Variants in LRP8 observed in about 807,000 individuals in gnomAD.
The protein encoded by LRP8 is LDL receptor related protein 8, also known as low-density lipoprotein receptor-related protein 8.
LRP8 carries 46 observed loss-of-function variants against 111.6 expected under a neutral mutation model. The ratio of observed to expected loss-of-function variants is 0.41; its 90% CI spans 0.33 to 0.53. LRP8 has a LOEUF of 0.53. Among genes scored for constraint, LRP8 ranks in the 20% least tolerant of loss-of-function variants. The pLI, the probability that LRP8 is intolerant of heterozygous loss-of-function variation, is 0.20. For synonymous variants in LRP8, 464 were observed against 511.2 expected (o/e 0.91, Z 1.24); for missense variants, 959 against 1,297.4 (o/e 0.74, Z 4.01).
rs748441227 is a variant in LRP8, at chr1:53,275,823, A to G, written c.884-70T>C. 167 of 1,555,340 alleles carry G rather than the reference A, an allele frequency of 1.1e-4. No individual in the cohort carries two copies. Among genetic ancestry groups the G allele is most frequent in the Middle Eastern group, 1.9e-4 (1 of 5,178 alleles). On this transcript the variant is annotated intron_variant, in intron 5 of 18. Transcript: ENST00000306052. The surrounding 1 kb of genome is among the most constrained non-coding windows in gnomAD (Gnocchi z 4.4). ...CTAGGACAATTTCCCCACCACCCCA[A>G]TCCCCATGCCATAGCCACCCCCAGC...
chr1:53,268,683 G>A (rs1158695693), intron 8 of LRP8: 1 of 152,084 alleles, frequency 6.6e-6, no homozygotes, highest in Non-Finnish European at 1.5e-5. Flanking sequence ...AACATAACAT[G>A]TCCAAAACAG....
At chr1:53,327,511 A>G (rs977444003) in intron 1 of LRP8, 1 of 351,458 alleles carries the variant, frequency 2.8e-6, no homozygotes, top group East Asian at 4.9e-5. Context: ...ATCCGGAACC[A>G]TGAATGGCCG....
intron 5 of LRP8, 134 bp downstream of exon 5, chr1:53,276,556 CCT>C (rs2100420695): frequency 1.6e-6 from 1 of 625,276 alleles, no homozygotes; most frequent in East Asian, 5.0e-5. Flanking sequence ...CTTCTCCCAG[CCT>C]CGGTCTCCTC....
intron 2 of LRP8, among the ~76,000 whole-genome samples, chr1:53,320,155 A>T (rs114694967): frequency 0.027 from 4,077 of 152,368 alleles, 184 homozygotes; most frequent in African/African-American, 0.094. Context: ...TCTTAGTGTT[A>T]ACGTGAGTAT....
rs1646580249 is a variant in LRP8 at position 53,266,770 on chromosome 1, T to G, written c.1253-123A>C. 1.2e-6 allele frequency: 1 copy of G among 824,656 alleles called. No homozygotes were observed. The highest frequency in any genetic ancestry group is 2.0e-6 in the Non-Finnish European group (1 of 504,666). The allele number at this position is 824,656 out of a possible 1,614,324, so 51.1% of individuals were successfully genotyped here. A position where few individuals can be genotyped will look rare whatever the true frequency, so the allele number is the denominator to read the frequency against. ...TTTTCCTTAAAATAGTAGTGACAAT[T>G]CCTACTTTACAGGTTGCAGGAGCAG... On this transcript the variant is annotated intron_variant, in intron 8 of 18. Transcript: ENST00000306052. The surrounding 1 kb of genome is among the most constrained non-coding windows in gnomAD (Gnocchi z 5.0).
chr1:53,279,263 G>C lies in LRP8; in HGVS notation c.496+1324C>G, dbSNP rs1283633560. ...GAGGACTCTTTCCTCTGCCTAGGAG[G>C]GTGGAAGCTATAGCATAGAAGCCCA... is the stretch of plus-strand genomic sequence containing the variant. On this transcript the variant is annotated intron_variant, in intron 4 of 18. Coordinates refer to ENST00000306052, the MANE Select transcript of LRP8 (RefSeq NM_004631.5). The surrounding 1 kb of genome is among the most constrained non-coding windows in gnomAD (Gnocchi z 4.4). Among the ~76,000 whole-genome samples the C allele has an allele frequency of 6.6e-6, 1 of 152,104 alleles. No individual in the cohort carries two copies. Among genetic ancestry groups the C allele is most frequent in the Non-Finnish European group, 1.5e-5 (1 of 68,024 alleles).
chr1:53,257,560 T>A, intron 14 of LRP8, 96 bp from the exon 15 acceptor site: 1 of 896,076 alleles, frequency 1.1e-6, no homozygotes, highest in South Asian at 1.6e-5. Flanking sequence ...CTTCATGGCG[T>A]AGCTCAAATG....
intron 2 of LRP8, among the ~76,000 whole-genome samples, chr1:53,304,077 G>A (rs1036886569): frequency 9.9e-5 from 15 of 152,180 alleles, no homozygotes; most frequent in Non-Finnish European, 1.3e-4. Context: ...GGAAAGGGGC[G>A]ATGAATTCCA....
chr1:53,249,671 C>T lies in LRP8; in HGVS notation c.2677-115G>A. 1 of 1,417,958 alleles carries T rather than the reference C, an allele frequency of 7.1e-7. No individual in the cohort carries two copies. The highest frequency in any genetic ancestry group is 9.3e-7 in the Non-Finnish European group (1 of 1,079,922). 87.8% of individuals were successfully genotyped at this position (1,417,958 alleles called of 1,614,324 possible). A position where few individuals can be genotyped will look rare whatever the true frequency, so the allele number is the denominator to read the frequency against. Reference sequence around the variant, plus strand: ...TTGTGGTCCTCATTCCCCCAAAAAGCCATGCTGTGTTGTACCTTCAAGCCT... The same window carrying T: ...TTGTGGTCCTCATTCCCCCAAAAAGTCATGCTGTGTTGTACCTTCAAGCCT... On this transcript the variant is annotated intron_variant, in intron 17 of 18. Coordinates refer to ENST00000306052, the MANE Select transcript of LRP8 (RefSeq NM_004631.5). This position sits in a 1 kb window ranked among gnomAD's most constrained non-coding sequence, Gnocchi z 4.1.
In LRP8 at chr1:53,257,328, A is replaced by G. The variant is rs752546603; in HGVS notation, c.2346T>C (p.Ala782=). Residue 782 remains alanine, a synonymous_variant, in exon 15 of 19, where the codon GCT becomes GCC. Coordinates refer to ENST00000306052, the MANE Select transcript of LRP8 (RefSeq NM_004631.5). ...GGACACTAACTGAGCTTGGGACTGC[A>G]GCTGTCAGGCTTGGTGTCTCTGTGC... ...NHSTETPSLT[A]AVPSSVSVPR... The G allele has an allele frequency of 6.2e-7, 1 of 1,614,164 alleles. No individual in the cohort carries two copies.
At chr1:53,284,177 A>G (rs1420788722) in intron 3 of LRP8, among the ~76,000 whole-genome samples, 2 of 100,046 alleles carry the variant, frequency 2.0e-5, no homozygotes, top group African/African-American at 8.2e-5. Context: ...TTACTTACCT[A>G]CTACATACCC....
chr1:53,298,172 T>C (rs534753584), intron 2 of LRP8, among the ~76,000 whole-genome samples: 2 of 152,302 alleles, frequency 1.3e-5, no homozygotes, highest in East Asian at 1.9e-4. Context: ...TGCTCTCAGA[T>C]ACTGCCGGAC....
rs188927312 is a variant in LRP8 at position 53,242,652 on chromosome 1, G to A, written c.*4366C>T. On this transcript the variant is annotated 3_prime_UTR_variant, in exon 19 of 19. Coordinates refer to ENST00000306052, the MANE Select transcript of LRP8 (RefSeq NM_004631.5). ...ATATGGTAACTTTGGGGTTGGTAGG[G>A]GGAGACAAACAAGGAGAATCCACTT... 10 of 152,158 alleles carry A rather than the reference G, an allele frequency of 6.6e-5. No homozygotes were observed. The highest frequency in any genetic ancestry group is 2.4e-4 in the African/African-American group (10 of 41,508). 9.4% of individuals were successfully genotyped at this position (152,158 alleles called of 1,614,324 possible).
Position 53,260,492 on chromosome 1 carries a change from G to A in LRP8, c.2028C>T (p.Val676=). The A allele has an allele frequency of 6.2e-7, 1 of 1,614,188 alleles. No homozygotes were observed. The highest frequency in any genetic ancestry group is 1.1e-5 in the South Asian group (1 of 91,078). ...TTGGCTGCTTCAGCTCATGGAAGAT[G>A]ACAATGTCATGTGGGTTGTTGAGGT... is the stretch of plus-strand genomic sequence containing the variant. The part of the protein sequence containing the change: ...AENLNNPHDI[V]IFHELKQPRA... The change falls in exon 13 of 19, where the codon GTC becomes GTT. Residue 676 remains valine, a synonymous_variant. Transcript: ENST00000306052.
intron 4 of LRP8, among the ~76,000 whole-genome samples, chr1:53,280,148 G>A (rs755849483): frequency 2.6e-5 from 4 of 151,682 alleles, no homozygotes; most frequent in Admixed American, 6.6e-5. Flanking sequence ...CATTGCTGGC[G>A]CCCTGGCTCA....
intron 6 of LRP8, chr1:53,274,867 C>A (rs1490824420): frequency 2.2e-6 from 1 of 455,788 alleles, no homozygotes; most frequent in East Asian, 6.9e-5. Flanking sequence ...AGACCTTGGA[C>A]AAGAAGGGCT....
At chr1:53,308,955 G>A (rs1378142952) in intron 2 of LRP8, among the ~76,000 whole-genome samples, 1 of 152,156 alleles carries the variant, frequency 6.6e-6, no homozygotes, top group Admixed American at 6.5e-5. Context: ...AAAGAGACAG[G>A]ACAGATCCCC....
In LRP8 at chr1:53,255,034, C is replaced by T. The variant is rs970728846; in HGVS notation, c.2503+83G>A. 2.8e-6 allele frequency: 4 copies of T among 1,428,678 alleles called. No individual in the cohort carries two copies. The African/African-American group carries it at 5.6e-5, about 20-fold the overall frequency. The allele number at this position is 1,428,678 out of a possible 1,614,324, so 88.5% of individuals were successfully genotyped here. A position where few individuals can be genotyped will look rare whatever the true frequency, so the allele number is the denominator to read the frequency against. On this transcript the variant is annotated intron_variant, in intron 16 of 18. Transcript: ENST00000306052. ...GGCAGAACAAGTCAATAGGGCAGGC[C>T]AAGTTCTCTACCCTGCTAGCGCTCT...
chr1:53,278,919 T>G (rs1647017095), intron 4 of LRP8, among the ~76,000 whole-genome samples: 1 of 150,492 alleles, frequency 6.6e-6, no homozygotes, highest in Non-Finnish European at 1.5e-5. Context: ...CGGCTAATTT[T>G]TTTTTTTTTT....
Sources: allele counts gnomAD v4.1 joint callset (sites outside exome capture counted in the v4.1 genomes callset), GRCh38; gene constraint gnomAD v4.1.1; non-coding constraint Gnocchi (gnomAD v3.1); transcripts MANE v1.5; gene names NCBI Gene and HGNC (gene_info 2026-07-23, HGNC 2026-07-21).